Variants in CABIN1 observed in about 807,000 individuals in gnomAD.
CABIN1 encodes calcineurin-binding protein cabin-1.
In CABIN1, 133 loss-of-function variants were observed where a neutral mutation model predicts 227.7. That is an observed-to-expected ratio of 0.58 (90% CI 0.51 to 0.67). The LOEUF (loss-of-function observed/expected upper bound fraction) is 0.67. Ranked by LOEUF, CABIN1 falls within the 30% of genes least tolerant of loss-of-function variation. The pLI is 0.00. For synonymous variants in CABIN1, 1,086 were observed against 1,155.1 expected, an observed-to-expected ratio of 0.94 and a Z score of 1.21; for missense variants, 2,408 against 2,852.5, an observed-to-expected ratio of 0.84 and a Z score of 3.55.
At chr22:24,165,302 G>C (rs2046382123) in intron 30 of CABIN1, among the ~76,000 whole-genome samples, 1 of 152,250 alleles carries the variant, frequency 6.6e-6, no homozygotes, top group Non-Finnish European at 1.5e-5. Flanking sequence ...GCCCACTGCA[G>C]AGGGCCTAAG....
chr22:24,072,221 G>A, intron 17 of CABIN1, 133 bp from the exon 18 acceptor site: 1 of 821,688 alleles, frequency 1.2e-6, no homozygotes, highest in Non-Finnish European at 2.0e-6. Context: ...AGGTTACAGT[G>A]CCCACATCTG....
Position 24,152,132 on chromosome 22 carries a change from A to G in CABIN1, c.4747-12268A>G, listed in dbSNP as rs117730546. Among the ~76,000 whole-genome samples, 25 of 152,318 alleles carry G rather than the reference A, an allele frequency of 1.6e-4. No homozygotes were observed. In the East Asian group the frequency reaches 4.4e-3, roughly 27 times the overall value. On this transcript the variant is annotated intron_variant, in intron 29 of 36. Coordinates refer to ENST00000263119, the MANE Select transcript of CABIN1 (RefSeq NM_012295.4). ...GCACGTGATCCAGGCACAGCTGTCCACTGAGATGGAGGCAGCCCCAGACTG... is the reference window on the plus strand; with the variant it reads ...GCACGTGATCCAGGCACAGCTGTCCGCTGAGATGGAGGCAGCCCCAGACTG...
chr22:24,060,088 A>G lies in CABIN1; in HGVS notation c.1564A>G (p.Ser522Gly). 1 of 1,614,070 alleles carries G rather than the reference A, an allele frequency of 6.2e-7. No homozygotes were observed. The highest frequency in any genetic ancestry group is 2.2e-5 in the East Asian group (1 of 44,882). ...CGTCTACCACAGCTGGAGGAGGCAC[A>G]GCACCAGCCTGCCCAACCCGCTGCT... Reference protein sequence around the residue: ...LSVYHSWRRHSTSLPNPLLRD... With the variant: ...LSVYHSWRRHGTSLPNPLLRD... The change falls in exon 12 of 37, where the codon AGC becomes GGC. Residue 522 changes from serine (S) to glycine (G), a missense_variant. This residue lies in a region of CABIN1 where 1,045 missense variants were observed against 1,168.4 expected (regional missense o/e 0.89). Coordinates refer to ENST00000263119, the MANE Select transcript of CABIN1 (RefSeq NM_012295.4).
intron 29 of CABIN1, among the ~76,000 whole-genome samples, chr22:24,145,847 T>C (rs1285652396): frequency 6.6e-6 from 1 of 152,230 alleles, no homozygotes; most frequent in African/African-American, 2.4e-5. Flanking sequence ...TAATGCGCAA[T>C]GTCATCTGGT....
At chr22:24,141,141 C>T (rs1014638000) in intron 29 of CABIN1, among the ~76,000 whole-genome samples, 4 of 152,224 alleles carry the variant, frequency 2.6e-5, no homozygotes, top group African/African-American at 4.8e-5. Flanking sequence ...GACTGAAGCA[C>T]GGAGCAGGAG....
rs370572664 is a variant in CABIN1 at position 24,164,570 on chromosome 22, G to A, written c.4910+7G>A. ...GGACCCCAGACCAGGGCAAGTGAGT[G>A]CAGCCACCCTGGACACAGCCTGGCA... On this transcript the variant is annotated splice_region_variant and intron_variant, in intron 30 of 36. Transcript: ENST00000263119. The A allele has an allele frequency of 3.2e-5, 51 of 1,602,796 alleles. No individual in the cohort carries two copies. The African/African-American group carries it at 6.4e-4, about 20-fold the overall frequency.
intron 16 of CABIN1, among the ~76,000 whole-genome samples, chr22:24,070,342 C>T (rs1430356364): frequency 3.3e-5 from 5 of 152,204 alleles, no homozygotes; most frequent in African/African-American, 1.2e-4. Flanking sequence ...TGGCCAGTTG[C>T]CCCTGTTGTG....
chr22:24,064,354 C>G (rs549498832), intron 15 of CABIN1, among the ~76,000 whole-genome samples, 167 bp downstream of exon 15: 1 of 152,032 alleles, frequency 6.6e-6, no homozygotes, highest in Non-Finnish European at 1.5e-5. Context: ...TACGGGTGCC[C>G]GCCGCCATGC....
At chr22:24,102,590 G>T (rs2042268522) in intron 26 of CABIN1, among the ~76,000 whole-genome samples, 1 of 152,190 alleles carries the variant, frequency 6.6e-6, no homozygotes, top group Non-Finnish European at 1.5e-5. Flanking sequence ...CCAGAGAGGT[G>T]GGGTTTGTTC....
In CABIN1 at chr22:24,067,105, G is replaced by T. The variant is rs138118609; in HGVS notation, c.2156G>T (p.Ser719Ile). 11 of 1,614,228 alleles carry T rather than the reference G, an allele frequency of 6.8e-6. No homozygotes were observed. The African/African-American group carries it at 1.5e-4, about 22-fold the overall frequency. The part of the protein sequence containing the change: ...VHLLRPTLCT[S>I]GFDRAKHLEF... ...CTGCTCCGCCCCACTTTGTGCACCA[G>T]TGGGTTTGACCGGGCCAAACACCTG... The change falls in exon 16 of 37, where the codon AGT (serine) becomes ATT (isoleucine). Residue 719 changes from serine (S) to isoleucine (I), a missense_variant. Ser to Ile is a moderately radical substitution (Grantham distance 142). Transcript: ENST00000263119.
intron 26 of CABIN1, among the ~76,000 whole-genome samples, chr22:24,107,259 T>A (rs139852222): frequency 1.3e-5 from 2 of 152,326 alleles, no homozygotes; most frequent in Admixed American, 1.3e-4. Flanking sequence ...AGCAGAGCCT[T>A]CCTCAGGGCC....
At chr22:24,133,764 G>T (rs1309293391) in intron 28 of CABIN1, among the ~76,000 whole-genome samples, 3 of 152,122 alleles carry the variant, frequency 2.0e-5, no homozygotes, top group Admixed American at 6.5e-5. Context: ...GGCAGAGGCA[G>T]CCAGGCCCAC....
At chr22:24,058,820 T>G (rs374942402) in intron 10 of CABIN1, among the ~76,000 whole-genome samples, 3 of 152,252 alleles carry the variant, frequency 2.0e-5, no homozygotes, top group African/African-American at 7.2e-5. Flanking sequence ...CAGGGCCCTT[T>G]TGACCCATAG....
chr22:24,157,850 C>T (rs1234261192), intron 29 of CABIN1, among the ~76,000 whole-genome samples: 2 of 152,136 alleles, frequency 1.3e-5, no homozygotes, highest in Non-Finnish European at 2.9e-5. Flanking sequence ...TTATGCTTTT[C>T]TGGGGGGGCG....
chr22:24,146,882 G>T (rs1238158685), intron 29 of CABIN1, among the ~76,000 whole-genome samples: 1 of 152,204 alleles, frequency 6.6e-6, no homozygotes, highest in East Asian at 1.9e-4. Context: ...GCTAGGAGGT[G>T]CAGAATCTCT....
At chr22:24,120,748 G>A (rs960359959) in intron 28 of CABIN1, among the ~76,000 whole-genome samples, 1 of 152,226 alleles carries the variant, frequency 6.6e-6, no homozygotes, top group Non-Finnish European at 1.5e-5. Flanking sequence ...GGGAGGCAGA[G>A]GTTGCAGTGA....
At chr22:24,011,415 A>T (rs753759013) in intron 1 of CABIN1, 48 bp downstream of exon 1, 2 of 152,818 alleles carry the variant, frequency 1.3e-5, no homozygotes, top group African/African-American at 2.4e-5. Flanking sequence ...GGTGGGGGTG[A>T]GGCTCAGCAG....
At position 24,076,166 on chromosome 22, in the gene CABIN1, T is replaced by C. The variant is rs2040427306; in HGVS notation, c.2633-3T>C. 6.2e-7 allele frequency: 1 copy of C among 1,612,732 alleles called. No individual in the cohort carries two copies. The highest frequency in any genetic ancestry group is 8.5e-7 in the Non-Finnish European group (1 of 1,178,736). On this transcript the variant is annotated splice_polypyrimidine_tract_variant and splice_region_variant and intron_variant, in intron 18 of 36. Coordinates refer to ENST00000263119, the MANE Select transcript of CABIN1 (RefSeq NM_012295.4). The stretch of plus-strand genomic sequence containing the variant: ...TGTGTCTGTCGGCCTGGGCTTTCCC[T>C]AGGGATGTCAGAGACGCCCATGCTC...
chr22:24,154,310 A>G (rs1270985786), intron 29 of CABIN1, among the ~76,000 whole-genome samples: 2 of 152,172 alleles, frequency 1.3e-5, no homozygotes, highest in African/African-American at 4.8e-5. Context: ...ACAGCCGGGA[A>G]GAGTGGCCCA....
Sources: gnomAD v4.1 joint callset for allele counts (sites outside exome capture counted in the v4.1 genomes callset) on GRCh38, gnomAD v4.1.1 for gene constraint, gnomAD v4.1.1 regional missense constraint, MANE v1.5 for transcripts, NCBI Gene and HGNC (gene_info 2026-07-23, HGNC 2026-07-21) for gene names.